DIAPH1: variants seen among roughly 807,000 people sequenced by gnomAD.
DIAPH1 encodes protein diaphanous homolog 1.
Under a neutral mutation model 140.7 loss-of-function variants are expected in DIAPH1, and 46 were observed. The ratio of observed to expected loss-of-function variants is 0.33; its 90% CI spans 0.26 to 0.42. DIAPH1 has a LOEUF of 0.42. Among genes scored for constraint, DIAPH1 ranks in the 10% least tolerant of loss-of-function variants. The pLI is 1.00. For synonymous variants in DIAPH1, 565 were observed against 551.6 expected (o/e 1.02, Z -0.34); for missense variants, 1,310 against 1,558.7 (o/e 0.84, Z 2.69).
intron 26 of DIAPH1, among the ~76,000 whole-genome samples, chr5:141,525,726 C>A (rs923093870): frequency 3.9e-5 from 6 of 152,030 alleles, no homozygotes; most frequent in Non-Finnish European, 8.8e-5. Flanking sequence ...GGAATGAGAA[C>A]AGGCCAGAGG....
At position 141,571,466 on chromosome 5, in the gene DIAPH1, G is replaced by A. The variant is rs2099895170; in HGVS notation, c.2474-30C>T. 15 of 1,601,950 alleles carry A rather than the reference G, an allele frequency of 9.4e-6. No homozygotes were observed. In the East Asian group the frequency reaches 2.9e-4, roughly 31 times the overall value. ...AGGAGCAAAGTGCCAGGAGGGAGAA[G>A]GCATCCAATATTGGAAAGAAATGGA... On this transcript the variant is annotated intron_variant, in intron 17 of 27. Transcript: ENST00000389054.
intron 3 of DIAPH1, among the ~76,000 whole-genome samples, chr5:141,585,941 T>C (rs1043966917): frequency 6.6e-6 from 1 of 152,224 alleles, no homozygotes; most frequent in African/African-American, 2.4e-5. Context: ...ATTCAAGATT[T>C]ATTATTTTTT....
intron 23 of DIAPH1, among the ~76,000 whole-genome samples, chr5:141,528,185 TA>T (rs2099887681): frequency 6.6e-6 from 1 of 152,210 alleles, no homozygotes; most frequent in South Asian, 2.1e-4. Context: ...AAAGAACTAT[TA>T]ACCTAGACTA....
intron 1 of DIAPH1, among the ~76,000 whole-genome samples, chr5:141,606,707 A>G (rs977333969): frequency 2.0e-5 from 3 of 152,138 alleles, no homozygotes; most frequent in South Asian, 2.1e-4. Flanking sequence ...TACACTATGT[A>G]AAATAACATA....
At chr5:141,544,455 T>C (rs1453893941) in intron 18 of DIAPH1, among the ~76,000 whole-genome samples, 2 of 152,158 alleles carry the variant, frequency 1.3e-5, no homozygotes, top group African/African-American at 4.8e-5. Context: ...GGAGAAAATA[T>C]CTGCAAAACA....
At chr5:141,563,963 A>G (rs2099893982) in intron 18 of DIAPH1, 1 of 152,214 alleles carries the variant, frequency 6.6e-6, no homozygotes, top group Non-Finnish European at 1.5e-5. Context: ...TTATGCGCTT[A>G]AAGTAGTTTT....
At chr5:141,525,993 C>T in intron 26 of DIAPH1, 45 bp downstream of exon 26, 1 of 1,612,184 alleles carries the variant, frequency 6.2e-7, no homozygotes, top group South Asian at 1.1e-5. Flanking sequence ...GAGAAGTCTT[C>T]CCAACATTCC....
intron 18 of DIAPH1, chr5:141,563,506 G>A (rs1218314247): frequency 6.6e-6 from 1 of 152,074 alleles, no homozygotes; most frequent in Non-Finnish European, 1.5e-5. Flanking sequence ...TAAAGTTTGA[G>A]ATTTACTGGT....
intron 18 of DIAPH1, 76 bp from the exon 19 acceptor site, chr5:141,534,509 C>T (rs1292532723): frequency 1.3e-5 from 15 of 1,124,722 alleles, no homozygotes; most frequent in East Asian, 4.7e-5. Flanking sequence ...TACTGTCCAG[C>T]GTGAAATGGC....
rs571657728 is a variant in DIAPH1, at chr5:141,553,422, C to G, written c.2482+18006G>C. Among the ~76,000 whole-genome samples, 118 of 152,202 alleles carry G rather than the reference C, an allele frequency of 7.8e-4. 1 individual carries two copies. Among genetic ancestry groups the G allele is most frequent in the Middle Eastern group, 3.4e-3 (1 of 294 alleles). On this transcript the variant is annotated intron_variant, in intron 18 of 27. Coordinates refer to ENST00000389054, the MANE Select transcript of DIAPH1 (RefSeq NM_005219.5). ...TGGGAGGTCAAGGCAGGTGGATCAC[C>G]TGAGGTCAGGAGTTCGAGACCGGCC...
At chr5:141,551,598 G>A (rs982652904) in intron 18 of DIAPH1, among the ~76,000 whole-genome samples, 1 of 152,152 alleles carries the variant, frequency 6.6e-6, no homozygotes, top group African/African-American at 2.4e-5. Flanking sequence ...TCAAGCAAAT[G>A]CAGGAAATTT....
At chr5:141,583,061 C>T (rs1282047039) in intron 6 of DIAPH1, 145 bp downstream of exon 6, 4 of 770,986 alleles carry the variant, frequency 5.2e-6, no homozygotes, top group Non-Finnish European at 9.4e-6. Flanking sequence ...CCTCTAGCCA[C>T]CACTATGATA....
intron 1 of DIAPH1, among the ~76,000 whole-genome samples, chr5:141,590,927 C>A (rs543710408): frequency 1.3e-5 from 2 of 152,094 alleles, no homozygotes; most frequent in South Asian, 4.1e-4. Flanking sequence ...TGCCCCATAC[C>A]ACATCCATTC....
At chr5:141,604,667 C>T (rs1300166299) in intron 1 of DIAPH1, among the ~76,000 whole-genome samples, 2 of 152,186 alleles carry the variant, frequency 1.3e-5, no homozygotes, top group Non-Finnish European at 1.5e-5. Context: ...GTTTTAAATC[C>T]CATTCCTAAA....
At chr5:141,605,438 C>G (rs1259329240) in intron 1 of DIAPH1, among the ~76,000 whole-genome samples, 1 of 152,014 alleles carries the variant, frequency 6.6e-6, no homozygotes, top group Non-Finnish European at 1.5e-5. Context: ...AAAGCACACA[C>G]AAAAAATCAT....
intron 18 of DIAPH1, among the ~76,000 whole-genome samples, chr5:141,562,252 C>T (rs541175487): frequency 6.6e-6 from 1 of 151,634 alleles, no homozygotes; most frequent in African/African-American, 2.4e-5. Flanking sequence ...TTTCATTACT[C>T]TACTTTTGTT....
chr5:141,571,695 T>TAG (rs2099895213), intron 17 of DIAPH1: 1 of 674,770 alleles, frequency 1.5e-6, no homozygotes, highest in Non-Finnish European at 2.7e-6. Flanking sequence ...CCTAACAAGT[T>TAG]ATACTGATAC....
intron 19 of DIAPH1, among the ~76,000 whole-genome samples, chr5:141,530,834 A>C (rs2099888105): frequency 6.6e-6 from 1 of 152,204 alleles, no homozygotes; most frequent in Non-Finnish European, 1.5e-5. Context: ...CATTTTCGTA[A>C]GCTTATAGGA....
intron 14 of DIAPH1, 68 bp downstream of exon 14, chr5:141,576,162 G>T (rs1329230383): frequency 7.6e-7 from 1 of 1,314,056 alleles, no homozygotes; most frequent in Non-Finnish European, 1.1e-6. Context: ...CTGTCTCATA[G>T]ATCAGGAAAA....
Sources: gnomAD v4.1 joint callset for allele counts (sites outside exome capture counted in the v4.1 genomes callset) on GRCh38, gnomAD v4.1.1 for gene constraint, MANE v1.5 for transcripts, NCBI Gene and HGNC (gene_info 2026-07-23, HGNC 2026-07-21) for gene names.